NEO1: variants seen among roughly 807,000 people sequenced by gnomAD.
The protein encoded by NEO1 is neogenin 1.
In NEO1, 63 loss-of-function variants were observed where a neutral mutation model predicts 159.7. That is an observed-to-expected ratio of 0.39 (90% CI 0.32 to 0.49). NEO1 has a LOEUF of 0.49. Ranked by LOEUF, NEO1 falls within the 20% of genes least tolerant of loss-of-function variation. The probability of loss-of-function intolerance (pLI) is 0.85; values close to 1 mark genes in which losing one functional copy is unlikely to be tolerated. For synonymous variants in NEO1, 633 were observed against 662.0 expected, an observed-to-expected ratio of 0.96 and a Z score of 0.67; for missense variants, 1,615 against 1,831.0, an observed-to-expected ratio of 0.88 and a Z score of 2.15.
chr15:73,161,279 T>C (rs2034157649), intron 5 of NEO1, among the ~76,000 whole-genome samples: 1 of 152,250 alleles, frequency 6.6e-6, no homozygotes, highest in Non-Finnish European at 1.5e-5. Context: ...TACTTTGGTG[T>C]AAGAAATGAG....
At chr15:73,258,743 T>C (rs1427565836) in intron 13 of NEO1, 23 bp from the exon 14 acceptor site, 1 of 1,586,982 alleles carries the variant, frequency 6.3e-7, no homozygotes, top group Non-Finnish European at 8.7e-7. Context: ...GTTTCAGTTG[T>C]CTTCTTTGTC....
At chr15:73,056,476 T>A (rs1329354685) in intron 1 of NEO1, among the ~76,000 whole-genome samples, 1 of 152,238 alleles carries the variant, frequency 6.6e-6, no homozygotes, top group Non-Finnish European at 1.5e-5. Context: ...GGTTGTCTTA[T>A]TCACCTTTGT....
chr15:73,254,244 C>T (rs1385750301), intron 12 of NEO1, among the ~76,000 whole-genome samples: 1 of 151,818 alleles, frequency 6.6e-6, no homozygotes, highest in Non-Finnish European at 1.5e-5. Context: ...AGGCAACCAG[C>T]TGTTAATTAG....
chr15:73,229,026 T>A (rs1257288959), intron 7 of NEO1, among the ~76,000 whole-genome samples: 8 of 151,156 alleles, frequency 5.3e-5, no homozygotes, highest in Admixed American at 5.3e-4. Flanking sequence ...ATCCTCCAAC[T>A]TTTTTTGTTC....
At chr15:73,238,248 T>C (rs2039294116) in intron 8 of NEO1, among the ~76,000 whole-genome samples, 2 of 151,240 alleles carry the variant, frequency 1.3e-5, no homozygotes, top group Admixed American at 6.6e-5. Context: ...GGTATTTTTT[T>C]GTTTGTTTCG....
chr15:73,157,817 ACT>A (rs1460904193), intron 5 of NEO1, among the ~76,000 whole-genome samples: 1 of 151,384 alleles, frequency 6.6e-6, no homozygotes, highest in Non-Finnish European at 1.5e-5. Context: ...TCTTATCCTA[ACT>A]CTGTTTTATT....
intron 1 of NEO1, among the ~76,000 whole-genome samples, chr15:73,112,014 C>A (rs1305527294): frequency 6.6e-6 from 1 of 152,110 alleles, no homozygotes; most frequent in Non-Finnish European, 1.5e-5. Context: ...GGATTTTTAT[C>A]TTTCCTCTAC....
At chr15:73,276,671 T>G (rs1312096015) in intron 21 of NEO1, among the ~76,000 whole-genome samples, 1 of 152,240 alleles carries the variant, frequency 6.6e-6, no homozygotes, top group Non-Finnish European at 1.5e-5. Context: ...ATTGTTTTAG[T>G]CACTGGATTT....
chr15:73,164,879 G>A (rs927503845), intron 5 of NEO1, among the ~76,000 whole-genome samples: 1 of 152,186 alleles, frequency 6.6e-6, no homozygotes, highest in Non-Finnish European at 1.5e-5. Flanking sequence ...GTATTATTAA[G>A]AGAGAAATAC....
At chr15:73,181,650 A>G (rs1309295349) in intron 7 of NEO1, among the ~76,000 whole-genome samples, 1 of 151,938 alleles carries the variant, frequency 6.6e-6, no homozygotes, top group African/African-American at 2.4e-5. Flanking sequence ...CACACTTTTA[A>G]ACAACCAGAT....
At chr15:73,209,199 G>A (rs903969067) in intron 7 of NEO1, among the ~76,000 whole-genome samples, 1 of 152,156 alleles carries the variant, frequency 6.6e-6, no homozygotes, top group Non-Finnish European at 1.5e-5. Flanking sequence ...TCATTTATGA[G>A]CTTCATGAAA....
At position 73,301,452 on chromosome 15, in the gene NEO1, G is replaced by A. The variant is rs377221517; in HGVS notation, c.4297G>A (p.Glu1433Lys). Residue 1433 changes from glutamate to lysine, a missense_variant, in exon 28 of 29, where the codon GAG becomes AAG. Physicochemically the swap from Glu to Lys is moderately conservative, Grantham distance 56. Coordinates refer to ENST00000261908, the MANE Select transcript of NEO1 (RefSeq NM_002499.4). ...GACCACAAGGATGTTGGAAGACTCC[G>A]AGAGTGTAAGTTCGTGGGGCCATCA... ...QETTRMLEDS[E>K]SSYEPDELTK... The A allele has an allele frequency of 1.4e-5, 23 of 1,614,056 alleles. No homozygotes were observed. In the African/African-American group the frequency reaches 1.7e-4, roughly 12 times the overall value.
intron 7 of NEO1, among the ~76,000 whole-genome samples, chr15:73,235,895 T>C (rs1346073290): frequency 6.6e-6 from 1 of 152,226 alleles, no homozygotes; most frequent in Non-Finnish European, 1.5e-5. Flanking sequence ...AATAGTGAAG[T>C]CTTGTCATTT....
At chr15:73,248,053 T>G (rs2039888661) in intron 9 of NEO1, among the ~76,000 whole-genome samples, 1 of 152,230 alleles carries the variant, frequency 6.6e-6, no homozygotes, top group South Asian at 2.1e-4. Context: ...TGGGAAAGAT[T>G]GTTAACTTCA....
upstream of NEO1, among the ~76,000 whole-genome samples, chr15:73,052,214 T>C (rs2151179544): frequency 7.0e-6 from 1 of 143,206 alleles, no homozygotes; most frequent in Non-Finnish European, 1.5e-5. Flanking sequence ...GCAGCCGGGA[T>C]TGGAGCGGGG....
intron 1 of NEO1, among the ~76,000 whole-genome samples, chr15:73,103,821 T>C (rs928210143): frequency 6.6e-6 from 1 of 152,194 alleles, no homozygotes; most frequent in Non-Finnish European, 1.5e-5. Context: ...TTATACATGA[T>C]AGATCCTTAG....
intron 1 of NEO1, among the ~76,000 whole-genome samples, chr15:73,082,312 C>A (rs1415980815): frequency 6.6e-6 from 1 of 152,008 alleles, no homozygotes; most frequent in South Asian, 2.1e-4. Flanking sequence ...TACTTAAATG[C>A]GATAGAGTAG....
At chr15:73,105,205 T>A (rs1015993538) in intron 1 of NEO1, among the ~76,000 whole-genome samples, 3 of 152,194 alleles carry the variant, frequency 2.0e-5, no homozygotes, top group Non-Finnish European at 2.9e-5. Context: ...ATGGGGTTGC[T>A]TAAAGGATAA....
chr15:73,292,077 C>G (rs1296873461), intron 25 of NEO1, among the ~76,000 whole-genome samples: 1 of 152,144 alleles, frequency 6.6e-6, no homozygotes, highest in East Asian at 1.9e-4. Flanking sequence ...CCAAGAGCAG[C>G]ACCTGAGGGA....
Sources: allele counts gnomAD v4.1 joint callset (sites outside exome capture counted in the v4.1 genomes callset), GRCh38; gene constraint gnomAD v4.1.1; transcripts MANE v1.5; gene names NCBI Gene and HGNC (gene_info 2026-07-23, HGNC 2026-07-21).